The following CYTH1 variants were observed in gnomAD, a reference collection of about 807,000 sequenced individuals.
CYTH1 encodes the protein cytohesin-1.
In CYTH1, 18 loss-of-function variants were observed where a neutral mutation model predicts 61.8. The observed-to-expected ratio is 0.29, with a 90% CI of 0.20 to 0.43. CYTH1 has a LOEUF of 0.43. Ranked by LOEUF, CYTH1 falls within the 20% of genes least tolerant of loss-of-function variation. The probability of loss-of-function intolerance (pLI) is 1.00; values close to 1 mark genes in which losing one functional copy is unlikely to be tolerated. For missense variants in CYTH1, 336 were observed against 510.5 expected, an observed-to-expected ratio of 0.66 and a Z score of 3.29; for synonymous variants, 174 against 184.3, an observed-to-expected ratio of 0.94 and a Z score of 0.45.
At chr17:78,718,256 C>CACACAG (rs1390006818) in intron 1 of CYTH1, among the ~76,000 whole-genome samples, 4 of 151,826 alleles carry the variant, frequency 2.6e-5, no homozygotes, top group Middle Eastern at 3.4e-3. Context: ...CACACACACA[C>CACACAG]ACACACACAC....
At chr17:78,743,758 T>G (rs879558053) in intron 1 of CYTH1, among the ~76,000 whole-genome samples, 5 of 152,264 alleles carry the variant, frequency 3.3e-5, no homozygotes, top group Admixed American at 3.3e-4. Context: ...TTTGCTCTTT[T>G]GCTTGCTAAC....
intron 1 of CYTH1, among the ~76,000 whole-genome samples, chr17:78,775,498 C>A (rs1347849273): frequency 2.6e-5 from 4 of 152,132 alleles, no homozygotes; most frequent in Non-Finnish European, 4.4e-5. Context: ...GAAAGTGAAA[C>A]CTCGTTTTTT....
intron 7 of CYTH1, among the ~76,000 whole-genome samples, chr17:78,699,371 A>C (rs539621124): frequency 6.6e-6 from 1 of 152,254 alleles, no homozygotes; most frequent in Admixed American, 6.5e-5. Context: ...CTCAGAAAAA[A>C]AAAAAAAAAC....
chr17:78,687,528 G>A (rs2092829159), intron 11 of CYTH1, among the ~76,000 whole-genome samples: 1 of 152,238 alleles, frequency 6.6e-6, no homozygotes, highest in Non-Finnish European at 1.5e-5. Context: ...ATGGGTCACA[G>A]ATCCATTCCT....
chr17:78,766,523 C>CG (rs1273067243), intron 1 of CYTH1, among the ~76,000 whole-genome samples: 1 of 152,092 alleles, frequency 6.6e-6, no homozygotes, highest in African/African-American at 2.4e-5. Flanking sequence ...AAATGCTACC[C>CG]GGGGGATTAA....
intron 1 of CYTH1, among the ~76,000 whole-genome samples, chr17:78,711,906 T>C (rs148432984): frequency 2.0e-5 from 3 of 151,728 alleles, no homozygotes; most frequent in East Asian, 3.9e-4. Flanking sequence ...TGAAACCCTG[T>C]CTCTACTAAA....
rs1025928735 is a variant in CYTH1, at chr17:78,695,905, C to T, written c.814+102G>A. ...TTAGAAGCAGCATTAACACTACCAC[C>T]GGCAATTAAAAAACAAAATAACCAA... On this transcript the variant is annotated intron_variant, in intron 10 of 13. Coordinates refer to ENST00000446868, the MANE Select transcript of CYTH1 (RefSeq NM_004762.6). The T allele has an allele frequency of 4.0e-5, 54 of 1,344,578 alleles. No individual in the cohort carries two copies. In the African/African-American group the frequency reaches 6.6e-4, roughly 16 times the overall value. The allele number at this position is 1,344,578 out of a possible 1,614,324, so 83.3% of individuals were successfully genotyped here. A position where few individuals can be genotyped will look rare whatever the true frequency, so the allele number is the denominator to read the frequency against.
Position 78,701,740 on chromosome 17 carries a change from T to C in CYTH1, c.368A>G (p.Asn123Ser), listed in dbSNP as rs1429364523. ...GDYLGERDEF[N>S]IQVLHAFVEL... ...CACAAATGCATGAAGAACCTGGATA[T>C]TAAACTCATCTCTATCGAGAAAAGA... is the stretch of plus-strand genomic sequence containing the variant. The change falls in exon 6 of 14, where the codon AAT becomes AGT. Residue 123 changes from asparagine (N) to serine (S), a missense_variant. Physicochemically the swap from Asn to Ser is conservative, Grantham distance 46. Around this residue, in one of 4 missense-constraint regions of CYTH1, gnomAD observed 125 missense variants for 209.9 expected, o/e 0.60. Coordinates refer to ENST00000446868, the MANE Select transcript of CYTH1 (RefSeq NM_004762.6). 1 of 1,614,176 alleles carries C rather than the reference T, an allele frequency of 6.2e-7. No homozygotes were observed. Among genetic ancestry groups the C allele is most frequent in the Non-Finnish European group, 8.5e-7 (1 of 1,180,036 alleles).
At position 78,698,218 on chromosome 17, in the gene CYTH1, C is replaced by T. The variant is rs766986145; in HGVS notation, c.811+51G>A. On this transcript the variant is annotated intron_variant, in intron 9 of 13. Transcript: ENST00000446868. ...GCACGCACACACGCACACACACCGC[C>T]TTTCTTCCTAAGTCTCAGCTTTAGG... 2.0e-5 allele frequency: 30 copies of T among 1,481,516 alleles called. No individual in the cohort carries two copies. The Middle Eastern group carries it at 5.3e-4, about 26-fold the overall frequency. 91.8% of individuals were successfully genotyped at this position (1,481,516 alleles called of 1,614,324 possible).
At chr17:78,707,988 A>C (rs910682648) in intron 3 of CYTH1, among the ~76,000 whole-genome samples, 4 of 152,080 alleles carry the variant, frequency 2.6e-5, no homozygotes, top group East Asian at 1.9e-4. Context: ...CTCCAGTTCA[A>C]TTTTTTAAAC....
chr17:78,737,111 C>T (rs1474935222), intron 1 of CYTH1: 1 of 152,296 alleles, frequency 6.6e-6, no homozygotes, highest in African/African-American at 2.4e-5. Context: ...GGACTCACTG[C>T]TGTTTTTCTC....
intron 1 of CYTH1, among the ~76,000 whole-genome samples, chr17:78,777,709 G>A (rs1001684051): frequency 6.6e-6 from 1 of 151,820 alleles, no homozygotes; most frequent in Non-Finnish European, 1.5e-5. Flanking sequence ...TTCTAAAGCC[G>A]GGCGCGGTGG....
chr17:78,744,223 A>G (rs1264232749), intron 1 of CYTH1, among the ~76,000 whole-genome samples: 1 of 152,244 alleles, frequency 6.6e-6, no homozygotes, highest in African/African-American at 2.4e-5. Context: ...GCCTTGCTGC[A>G]GGAGATGGAG....
chr17:78,707,434 G>A (rs11654527), intron 3 of CYTH1, among the ~76,000 whole-genome samples: 1 of 151,822 alleles, frequency 6.6e-6, no homozygotes, highest in African/African-American at 2.4e-5. Flanking sequence ...TACTATCATC[G>A]CATTTCTACA....
chr17:78,718,460 A>G (rs941949330), intron 1 of CYTH1, among the ~76,000 whole-genome samples: 3 of 152,148 alleles, frequency 2.0e-5, no homozygotes, highest in Non-Finnish European at 4.4e-5. Context: ...ACCTCCAAAG[A>G]TACAGTGATC....
chr17:78,737,374 G>A (rs547577798), intron 1 of CYTH1, among the ~76,000 whole-genome samples: 1 of 152,240 alleles, frequency 6.6e-6, no homozygotes, highest in East Asian at 1.9e-4. Flanking sequence ...TTCAGTACAG[G>A]TGTGACCTTT....
intron 10 of CYTH1, 109 bp downstream of exon 10, chr17:78,695,898 C>T (rs985293608): frequency 7.5e-7 from 1 of 1,334,852 alleles, no homozygotes; most frequent in Non-Finnish European, 1.0e-6. Flanking sequence ...AGCATTAACA[C>T]TACCACCGGC....
At chr17:78,681,146 G>A in intron 11 of CYTH1, 104 bp from the exon 12 acceptor site, 1 of 1,132,438 alleles carries the variant, frequency 8.8e-7, no homozygotes. Context: ...TTTCTCCCAG[G>A]ACATGAAGTT....
intron 1 of CYTH1, among the ~76,000 whole-genome samples, chr17:78,770,511 C>T (rs912136232): frequency 1.2e-4 from 18 of 151,676 alleles, no homozygotes; most frequent in Non-Finnish European, 2.2e-4. Context: ...CTCCACTTCC[C>T]GGGTTCAAGC....
Sources: allele counts gnomAD v4.1 joint callset (sites outside exome capture counted in the v4.1 genomes callset), GRCh38; gene constraint gnomAD v4.1.1; regional missense constraint gnomAD v4.1.1; transcripts MANE v1.5; gene names NCBI Gene and HGNC (gene_info 2026-07-23, HGNC 2026-07-21).